Variants in EPG5 observed in about 807,000 individuals in gnomAD.
EPG5 encodes ectopic P-granules 5 autophagy tethering factor.
A neutral mutation model predicts 302.7 loss-of-function variants in EPG5; 159 were observed. The ratio of observed to expected loss-of-function variants is 0.53; its 90% CI spans 0.46 to 0.60. The LOEUF (loss-of-function observed/expected upper bound fraction) is 0.60, where lower values mean the gene tolerates loss of function less well. Among genes scored for constraint, EPG5 ranks in the 20% least tolerant of loss-of-function variants. EPG5 has a pLI of 0.00. For missense variants in EPG5, 2,896 were observed against 3,092.4 expected, an observed-to-expected ratio of 0.94 and a Z score of 1.51; for synonymous variants, 1,158 against 1,136.8, an observed-to-expected ratio of 1.02 and a Z score of -0.37.
intron 1 of EPG5, among the ~76,000 whole-genome samples, chr18:45,960,389 C>G (rs544769350): frequency 6.6e-6 from 1 of 152,288 alleles, no homozygotes; most frequent in East Asian, 1.9e-4. Flanking sequence ...GTCCTCCTGC[C>G]TAGCCTCCCT....
chr18:45,807,582 A>C, the EPG5 span, among the ~76,000 whole-genome samples: 115,154 of 152,134 alleles, frequency 0.76, 44,824 homozygotes, highest in African/African-American at 0.93. Context: ...CCAATACCAG[A>C]CCAGAGCCTG....
Position 45,906,130 on chromosome 18 carries a change from T to A in EPG5, c.4329+1828A>T, listed in dbSNP as rs573741310. 2.0e-5 allele frequency among the ~76,000 whole-genome samples: 3 copies of A among 152,286 alleles called. No individual in the cohort carries two copies. In the East Asian group the frequency reaches 5.8e-4, roughly 29 times the overall value. ...ATATATACCTCCCCTTCTGACCAAC[T>A]CCTTGATAGAGAGCTCTCGTTGAAG... On this transcript the variant is annotated intron_variant, in intron 24 of 43. Coordinates refer to ENST00000282041, the MANE Select transcript of EPG5 (RefSeq NM_020964.3).
At position 45,917,839 on chromosome 18, in the gene EPG5, C is replaced by T. The variant is rs762317249; in HGVS notation, c.3099-20G>A. On this transcript the variant is annotated intron_variant, in intron 16 of 43. Coordinates refer to ENST00000282041, the MANE Select transcript of EPG5 (RefSeq NM_020964.3). ...TCAATGCTATGGAAAAAGAGAAAGG[C>T]ACTGAATACACAAGGGAGCTGGTTC... The T allele has an allele frequency of 1.2e-6, 2 of 1,613,412 alleles. No homozygotes were observed. Among genetic ancestry groups the T allele is most frequent in the African/African-American group, 1.3e-5 (1 of 74,894 alleles).
intron 1 of EPG5, among the ~76,000 whole-genome samples, chr18:45,957,265 C>T (rs1451791225): frequency 1.3e-5 from 2 of 152,128 alleles, no homozygotes; most frequent in African/African-American, 4.8e-5. Context: ...CAAACATTTA[C>T]AAATGGTAAT....
At chr18:45,930,024 A>T (rs569758869) in intron 12 of EPG5, among the ~76,000 whole-genome samples, 1 of 152,364 alleles carries the variant, frequency 6.6e-6, no homozygotes, top group East Asian at 1.9e-4. Flanking sequence ...TAAAATGTGC[A>T]AGGCTTTTTA....
chr18:45,830,671 C>T, the EPG5 span, among the ~76,000 whole-genome samples: 1 of 138,588 alleles, frequency 7.2e-6, no homozygotes, highest in Non-Finnish European at 1.5e-5. Flanking sequence ...CTGCAACCTC[C>T]GCCTCCCAGG....
chr18:45,809,367 T>C, the EPG5 span, among the ~76,000 whole-genome samples: 2 of 152,034 alleles, frequency 1.3e-5, no homozygotes, highest in Non-Finnish European at 2.9e-5. Flanking sequence ...CTAGAACAAA[T>C]GGAATTAACA....
At chr18:45,925,639 G>T in intron 14 of EPG5, 99 bp downstream of exon 14, 1 of 928,726 alleles carries the variant, frequency 1.1e-6, no homozygotes, top group Non-Finnish European at 1.5e-6. Context: ...TGTAGACCTT[G>T]CAAATGGTAC....
chr18:45,831,743 C>CTCT, the EPG5 span, among the ~76,000 whole-genome samples: 1 of 146,756 alleles, frequency 6.8e-6, no homozygotes, highest in African/African-American at 2.5e-5. Context: ...GTACCAACAT[C>CTCT]TTTTTTTTTT....
chr18:45,954,696 A>G lies in EPG5; in HGVS notation c.706T>C (p.Leu236=). 6.2e-7 allele frequency: 1 copy of G among 1,614,242 alleles called. No homozygotes were observed. Among genetic ancestry groups the G allele is most frequent in the Non-Finnish European group, 8.5e-7 (1 of 1,180,044 alleles). The change falls in exon 2 of 44, where the codon TTG becomes CTG. Residue 236 remains leucine, a synonymous_variant. Transcript: ENST00000282041. ...GGGTAGAGTCGCTCACTGCGAAGCAAGGGTTTCACTGCCACCAAAGCTGGT... is the reference window on the plus strand; with the variant it reads ...GGGTAGAGTCGCTCACTGCGAAGCAGGGGTTTCACTGCCACCAAAGCTGGT... The part of the protein sequence containing the change: ...EAPALVAVKP[L]LRSERLYPEL...
At chr18:45,952,235 T>C (rs909053250) in intron 3 of EPG5, among the ~76,000 whole-genome samples, 165 bp downstream of exon 3, 10 of 152,158 alleles carry the variant, frequency 6.6e-5, no homozygotes, top group African/African-American at 2.4e-4. Flanking sequence ...CCAAGAAATG[T>C]CATTAAGGCA....
At chr18:45,866,720 C>T (rs886124314) in intron 38 of EPG5, 78 bp downstream of exon 38, 8 of 1,122,572 alleles carry the variant, frequency 7.1e-6, no homozygotes, top group East Asian at 2.4e-5. Flanking sequence ...TTCCTAGCTT[C>T]GACTGTCCTT....
chr18:45,934,959 T>G lies in EPG5; in HGVS notation c.2107A>C (p.Ile703Leu). ...LHVLKAKRLGIWLFMSEMPFG... is the reference protein window; with the variant it reads ...LHVLKAKRLGLWLFMSEMPFG... ...GGCATCTCGGACATAAACAGCCAAA[T>G]GCCAAGTCTGCATGTAAGCAGGAAT... is the stretch of plus-strand genomic sequence containing the variant. The change falls in exon 11 of 44, where the codon ATT becomes CTT. Residue 703 changes from isoleucine to leucine, a missense_variant. By Grantham distance (5) the Ile-to-Leu change is conservative. Transcript: ENST00000282041. The G allele has an allele frequency of 1.9e-6, 3 of 1,609,744 alleles. No individual in the cohort carries two copies. The highest frequency in any genetic ancestry group is 2.5e-6 in the Non-Finnish European group (3 of 1,178,594).
At chr18:45,872,491 G>A (rs1456497737) in intron 35 of EPG5, among the ~76,000 whole-genome samples, 4 of 152,140 alleles carry the variant, frequency 2.6e-5, no homozygotes, top group Non-Finnish European at 5.9e-5. Context: ...ATCACTTTAG[G>A]TCAGGAGTTC....
rs1599641490 is a variant in EPG5 at position 45,951,090 on chromosome 18, C to T, written c.1389+12G>A. On this transcript the variant is annotated intron_variant, in intron 4 of 43. Coordinates refer to ENST00000282041, the MANE Select transcript of EPG5 (RefSeq NM_020964.3). ...AAAACAAAGACTACTGTGTCTATCT[C>T]TGTCCCCTTACCAATTTCTGCAGCC... 1.3e-6 allele frequency: 2 copies of T among 1,563,176 alleles called. No individual in the cohort carries two copies. Among genetic ancestry groups the T allele is most frequent in the South Asian group, 1.3e-5 (1 of 79,342 alleles).
chr18:45,923,130 A>T lies in EPG5; in HGVS notation c.2838+138T>A. 3 of 880,700 alleles carry T rather than the reference A, an allele frequency of 3.4e-6. No individual in the cohort carries two copies. The East Asian group carries it at 8.0e-5, about 23-fold the overall frequency. 54.6% of individuals were successfully genotyped at this position (880,700 alleles called of 1,614,324 possible). A position where few individuals can be genotyped will look rare whatever the true frequency, so the allele number is the denominator to read the frequency against. ...AGAAGAATCTTTATCAAACCATAGA[A>T]GTCAATTATAACATCTTAAATTGCT... On this transcript the variant is annotated intron_variant, in intron 15 of 43. Transcript: ENST00000282041.
At chr18:45,939,336 A>C (rs1420652920) in intron 10 of EPG5, among the ~76,000 whole-genome samples, 3 of 152,136 alleles carry the variant, frequency 2.0e-5, no homozygotes, top group Admixed American at 1.3e-4. Context: ...GCTGCCCCAA[A>C]AGTTCAGGGT....
chr18:45,930,773 T>G lies in EPG5; in HGVS notation c.2315A>C (p.Glu772Ala). The G allele has an allele frequency of 6.2e-7, 1 of 1,611,224 alleles. No individual in the cohort carries two copies. The highest frequency in any genetic ancestry group is 8.5e-7 in the Non-Finnish European group (1 of 1,178,970). Residue 772 changes from glutamate (E) to alanine (A), a missense_variant, in exon 12 of 44, where the codon GAG (glutamate) becomes GCG (alanine). This residue lies in a region of EPG5 where 1,390 missense variants were observed against 1,430.0 expected (regional missense o/e 0.97). Transcript: ENST00000282041. ...AGCAAAGGTAGTCAGAAGGCAAATC[T>G]CTTCTGAGCTATTCATAGAAGAAAG... ...KCLSSMNSSEEICLLTTFAQM... is the reference protein window; with the variant it reads ...KCLSSMNSSEAICLLTTFAQM...
rs569917688 is a variant in EPG5, at chr18:45,897,661, C to T, written c.4809+1743G>A. Among the ~76,000 whole-genome samples, 50 of 152,230 alleles carry T rather than the reference C, an allele frequency of 3.3e-4. 2 individuals are homozygous for T. In the South Asian group the frequency reaches 9.8e-3, roughly 30 times the overall value. ...AGTCGCACATATTTACAATAACATA[C>T]GGGAAAATAAGTTGGACTCATCCTA... On this transcript the variant is annotated intron_variant, in intron 27 of 43. Coordinates refer to ENST00000282041, the MANE Select transcript of EPG5 (RefSeq NM_020964.3).
Sources: gnomAD v4.1 joint callset for allele counts (sites outside exome capture counted in the v4.1 genomes callset) on GRCh38, gnomAD v4.1.1 for gene constraint, gnomAD v4.1.1 regional missense constraint, MANE v1.5 for transcripts, NCBI Gene and HGNC (gene_info 2026-07-23, HGNC 2026-07-21) for gene names.